OR1I1: variants seen among roughly 807,000 people sequenced by gnomAD.
OR1I1 encodes olfactory receptor family 1 subfamily I member 1.
For synonymous variants in OR1I1, 171 were observed against 181.4 expected, an observed-to-expected ratio of 0.94 and a Z score of 0.46; for missense variants, 451 against 443.6, an observed-to-expected ratio of 1.02 and a Z score of -0.15.
rs1339252025 is a variant in OR1I1, at chr19:15,091,634, G to C, written c.*3501G>C. On this transcript the variant is annotated 3_prime_UTR_variant, in exon 2 of 2. Transcript: ENST00000641398. ...AGGCCACGCCACTGCACCCCAGCCTGGGTGACAGAGCGAGACTCCTCCTCA... is the reference window on the plus strand; with the variant it reads ...AGGCCACGCCACTGCACCCCAGCCTCGGTGACAGAGCGAGACTCCTCCTCA... 1.3e-5 allele frequency: 2 copies of C among 151,558 alleles called. No homozygotes were observed. Among genetic ancestry groups the C allele is most frequent in the Admixed American group, 1.3e-4 (2 of 15,182 alleles). The allele number at this position is 151,558 out of a possible 1,614,324, so 9.4% of individuals were successfully genotyped here. A position where few individuals can be genotyped will look rare whatever the true frequency, so the allele number is the denominator to read the frequency against.
Position 15,092,251 on chromosome 19 carries a change from T to C in OR1I1, c.*4118T>C, listed in dbSNP as rs1599313359. On this transcript the variant is annotated 3_prime_UTR_variant, in exon 2 of 2. Coordinates refer to ENST00000641398, the MANE Select transcript of OR1I1 (RefSeq NM_001004713.2). ...TTCCATGATGAGAAGGAGCCTGTGT[T>C]GTTTAAAGAAATCACGGAGACTGGT... is the stretch of plus-strand genomic sequence containing the variant. 2 of 152,060 alleles carry C rather than the reference T, an allele frequency of 1.3e-5. No individual in the cohort carries two copies. The highest frequency in any genetic ancestry group is 2.1e-4 in the South Asian group (1 of 4,818). 9.4% of individuals were successfully genotyped at this position (152,060 alleles called of 1,614,324 possible). A position where few individuals can be genotyped will look rare whatever the true frequency, so the allele number is the denominator to read the frequency against.
rs539154383 is a variant in OR1I1, at chr19:15,082,218, CG to C, written c.-65del. The C allele has an allele frequency of 2.6e-5, 4 of 152,418 alleles. No individual in the cohort carries two copies. Among genetic ancestry groups the C allele is most frequent in the East Asian group, 1.9e-4 (1 of 5,194 alleles). 9.4% of individuals were successfully genotyped at this position (152,418 alleles called of 1,614,324 possible). On this transcript the variant is annotated 5_prime_UTR_variant, in exon 1 of 2. Transcript: ENST00000641398. ...CCCACTCACCTGCAGAGTCTGGGGG[CG>C]GGGGGGTACACATATGAATCCTTCC...
At position 15,085,130 on chromosome 19, in the gene OR1I1, TTATATATATATATATATATA is replaced by T. The variant is rs775570074; in HGVS notation, c.-13-1895_-13-1876del. Among the ~76,000 whole-genome samples, 14 of 28,540 alleles carry T rather than the reference TTATATATATATATATATATA, an allele frequency of 4.9e-4. No individual in the cohort carries two copies. The East Asian group carries it at 7.6e-3, about 15-fold the overall frequency. The allele number at this position is 28,540 out of a possible 152,430, so 18.7% of individuals were successfully genotyped here. A position where few individuals can be genotyped will look rare whatever the true frequency, so the allele number is the denominator to read the frequency against. On this transcript the variant is annotated intron_variant, in intron 1 of 1. Transcript: ENST00000641398. The stretch of plus-strand genomic sequence containing the variant: ...TAGGTATGTTCAATGCATTTTTGAC[TTATATATATATATATATATA>T]TATATATATATATATATATATATAT...
chr19:15,088,172 A>T lies in OR1I1; in HGVS notation c.*39A>T, dbSNP rs2046239811. ...AACGTGATAAATGTGTCATAAAGAG[A>T]TGAACAAAGTGTATGAGCACCCAAA... On this transcript the variant is annotated 3_prime_UTR_variant, in exon 2 of 2. Transcript: ENST00000641398. 2.0e-6 allele frequency: 3 copies of T among 1,505,958 alleles called. No individual in the cohort carries two copies. Among genetic ancestry groups the T allele is most frequent in the Non-Finnish European group, 2.7e-6 (3 of 1,123,276 alleles). The allele number at this position is 1,505,958 out of a possible 1,614,324, so 93.3% of individuals were successfully genotyped here.
Position 15,087,117 on chromosome 19 carries a change from T to C in OR1I1, c.52T>C (p.Ser18Pro). The change falls in exon 2 of 2, where the codon TCA (serine) becomes CCA (proline). Residue 18 changes from serine (S) to proline (P), a missense_variant. Coordinates refer to ENST00000641398, the MANE Select transcript of OR1I1 (RefSeq NM_001004713.2). Reference protein sequence around the residue: ...EISEFFLQGLSEKPEHQTLLF... With the variant: ...EISEFFLQGLPEKPEHQTLLF... The stretch of plus-strand genomic sequence containing the variant: ...CTCAGAATTCTTCCTCCAGGGACTC[T>C]CAGAAAAGCCAGAGCATCAGACCCT... 1 of 1,613,996 alleles carries C rather than the reference T, an allele frequency of 6.2e-7. No homozygotes were observed. The highest frequency in any genetic ancestry group is 8.5e-7 in the Non-Finnish European group (1 of 1,179,988).
intron 1 of OR1I1, among the ~76,000 whole-genome samples, chr19:15,085,848 G>C (rs1397095576): frequency 6.6e-6 from 1 of 152,064 alleles, no homozygotes; most frequent in Non-Finnish European, 1.5e-5. Flanking sequence ...CTATATGGTT[G>C]CAAATGATAG....
intron 1 of OR1I1, among the ~76,000 whole-genome samples, chr19:15,084,894 G>A (rs2046222056): frequency 6.6e-6 from 1 of 151,688 alleles, no homozygotes; most frequent in African/African-American, 2.4e-5. Flanking sequence ...TGAGGTGGGA[G>A]GAACACCTGA....
Position 15,082,224 on chromosome 19 carries a change from G to A in OR1I1, c.-66G>A, listed in dbSNP as rs1313815074. 1.3e-5 allele frequency: 2 copies of A among 152,570 alleles called. No individual in the cohort carries two copies. Among genetic ancestry groups the A allele is most frequent in the African/African-American group, 2.4e-5 (1 of 41,470 alleles). The allele number at this position is 152,570 out of a possible 1,614,324, so 9.5% of individuals were successfully genotyped here. ...CACCTGCAGAGTCTGGGGGCGGGGG[G>A]GTACACATATGAATCCTTCCCATAG... is the stretch of plus-strand genomic sequence containing the variant. On this transcript the variant is annotated 5_prime_UTR_variant, in exon 1 of 2. Coordinates refer to ENST00000641398, the MANE Select transcript of OR1I1 (RefSeq NM_001004713.2).
rs1261106479 is a variant in OR1I1 at position 15,088,223 on chromosome 19, TTTATC to T, written c.*93_*97del. 5.6e-6 allele frequency: 8 copies of T among 1,436,078 alleles called. No homozygotes were observed. Among genetic ancestry groups the T allele is most frequent in the Non-Finnish European group, 7.4e-6 (8 of 1,088,102 alleles). The allele number at this position is 1,436,078 out of a possible 1,614,324, so 89.0% of individuals were successfully genotyped here. A position where few individuals can be genotyped will look rare whatever the true frequency, so the allele number is the denominator to read the frequency against. Reference sequence around the variant, plus strand: ...GGAAAGGTGTGCATTTTCCCCAGGATTTATCTTCCCCAAAAAGATCAGAATAGCAA... The same window carrying T: ...GGAAAGGTGTGCATTTTCCCCAGGATTTCCCCAAAAAGATCAGAATAGCAA... On this transcript the variant is annotated 3_prime_UTR_variant, in exon 2 of 2. Transcript: ENST00000641398.
In OR1I1 at chr19:15,087,823, G is replaced by T. The variant is rs757175717; in HGVS notation, c.758G>T (p.Gly253Val). ...LHLTVVSLSY[G>V]TIFAVYLQPT... Reference sequence around the variant, plus strand: ...CTCACTGTGGTGTCACTGTCCTATGGGACCATCTTTGCTGTGTACTTACAG... The same window carrying T: ...CTCACTGTGGTGTCACTGTCCTATGTGACCATCTTTGCTGTGTACTTACAG... Residue 253 changes from glycine to valine, a missense_variant, in exon 2 of 2, where the codon GGG (glycine) becomes GTG (valine). Physicochemically the swap from Gly to Val is moderately radical, Grantham distance 109 (BLOSUM62 -3). Transcript: ENST00000641398. The T allele has an allele frequency of 1.2e-6, 2 of 1,614,122 alleles. No individual in the cohort carries two copies. The highest frequency in any genetic ancestry group is 1.3e-5 in the African/African-American group (1 of 75,024).
chr19:15,087,709 T>G lies in OR1I1; in HGVS notation c.644T>G (p.Leu215Arg). ...GGCACCAGCCCATTCTCCTGCATCC[T>G]TCTCTCGTACATCCGCATTTTCTGG... ...VVGTSPFSCI[L>R]LSYIRIFWTV... The change falls in exon 2 of 2, where the codon CTT (leucine) becomes CGT (arginine). Residue 215 changes from leucine to arginine, a missense_variant. Physicochemically the swap from Leu to Arg is moderately radical, Grantham distance 102. Transcript: ENST00000641398. 6.2e-7 allele frequency: 1 copy of G among 1,614,230 alleles called. No homozygotes were observed. The highest frequency in any genetic ancestry group is 8.5e-7 in the Non-Finnish European group (1 of 1,180,050).
intron 1 of OR1I1, among the ~76,000 whole-genome samples, chr19:15,085,909 C>T (rs950691283): frequency 3.3e-5 from 5 of 152,122 alleles, no homozygotes; most frequent in African/African-American, 1.2e-4. Flanking sequence ...TTGTATATTC[C>T]TACCACATTT....
chr19:15,086,513 G>A (rs2046230631), intron 1 of OR1I1, among the ~76,000 whole-genome samples: 1 of 151,662 alleles, frequency 6.6e-6, no homozygotes, highest in Non-Finnish European at 1.5e-5. Flanking sequence ...GAGAGCCGTG[G>A]CACAATCTCT....
Position 15,090,896 on chromosome 19 carries a change from G to C in OR1I1, c.*2763G>C, listed in dbSNP as rs904536231. 1 of 152,170 alleles carries C rather than the reference G, an allele frequency of 6.6e-6. No homozygotes were observed. The highest frequency in any genetic ancestry group is 2.4e-5 in the African/African-American group (1 of 41,436). The allele number at this position is 152,170 out of a possible 1,614,324, so 9.4% of individuals were successfully genotyped here. ...TAAACCACCACACTCGGCCTGATTTGTGGTACTTTGTTGCAACATTGCTAG... is the reference window on the plus strand; with the variant it reads ...TAAACCACCACACTCGGCCTGATTTCTGGTACTTTGTTGCAACATTGCTAG... On this transcript the variant is annotated 3_prime_UTR_variant, in exon 2 of 2. Transcript: ENST00000641398.
chr19:15,088,081 T>TC lies in OR1I1; in HGVS notation c.1020dup (p.Tyr341LeufsTer23), dbSNP rs2046239291. The TC allele has an allele frequency of 6.4e-7, 1 of 1,570,022 alleles. No homozygotes were observed. The highest frequency in any genetic ancestry group is 1.3e-5 in the African/African-American group (1 of 74,144). On this transcript the variant is annotated frameshift_variant, in exon 2 of 2. Transcript: ENST00000641398. LOFTEE classifies it low-confidence loss of function (END_TRUNC). The stretch of plus-strand genomic sequence containing the variant: ...GCTAGGGACACAGAGATGCATCCCA[T>TC]CCCCTACCCTGGAGGAGTTCAGAGT...
At position 15,089,985 on chromosome 19, in the gene OR1I1, C is replaced by A. The variant is rs73008837; in HGVS notation, c.*1852C>A. ...TTGGTCCCTAATCTGATACGACTGG[C>A]GTCCTTATGAAAAGGGGAGATTTGG... On this transcript the variant is annotated 3_prime_UTR_variant, in exon 2 of 2. Transcript: ENST00000641398. The A allele has an allele frequency of 0.15, 22,136 of 152,026 alleles. 1,950 individuals are homozygous for A. Among genetic ancestry groups the A allele is most frequent in the South Asian group, 0.29 (1,404 of 4,818 alleles). 9.4% of individuals were successfully genotyped at this position (152,026 alleles called of 1,614,324 possible).
chr19:15,087,252 C>G lies in OR1I1; in HGVS notation c.187C>G (p.Leu63Val), dbSNP rs753394900. 2 of 1,614,014 alleles carry G rather than the reference C, an allele frequency of 1.2e-6. No individual in the cohort carries two copies. Among genetic ancestry groups the G allele is most frequent in the African/African-American group, 2.7e-5 (2 of 74,912 alleles). Residue 63 changes from leucine to valine, a missense_variant, in exon 2 of 2, where the codon CTC (leucine) becomes GTC (valine). By Grantham distance (32) the Leu-to-Val change is conservative. Transcript: ENST00000641398. ...SHLHTPMYFF[L>V]FNLSLVDTLL... ...CCTCCACACACCCATGTACTTCTTT[C>G]TCTTCAACCTCTCACTCGTTGACAC...
At chr19:15,084,384 C>G (rs1032159916) in intron 1 of OR1I1, among the ~76,000 whole-genome samples, 1 of 152,100 alleles carries the variant, frequency 6.6e-6, no homozygotes, top group Non-Finnish European at 1.5e-5. Context: ...ATGGTGAAAC[C>G]CCATCTCTAC....
intron 1 of OR1I1, among the ~76,000 whole-genome samples, chr19:15,085,697 C>T (rs915662767): frequency 2.0e-5 from 3 of 151,992 alleles, no homozygotes; most frequent in South Asian, 2.1e-4. Context: ...ACCCACCTCC[C>T]GCCCCCAGCC....
Sources: gnomAD v4.1 joint callset for allele counts (sites outside exome capture counted in the v4.1 genomes callset) on GRCh38, gnomAD v4.1.1 for gene constraint, MANE v1.5 for transcripts, NCBI Gene and HGNC (gene_info 2026-07-23, HGNC 2026-07-21) for gene names.